The following TBC1D1 variants were observed in gnomAD, a reference collection of about 807,000 sequenced individuals.
TBC1D1 encodes TBC1 (tre-2/USP6, BUB2, cdc16) domain family, member 1.
In TBC1D1, 89 loss-of-function variants were observed where a neutral mutation model predicts 125.6. The observed-to-expected ratio is 0.71, with a 90% confidence interval of 0.60 to 0.85. The LOEUF (loss-of-function observed/expected upper bound fraction) is 0.85, where lower values mean the gene tolerates loss of function less well. Among genes scored for constraint, TBC1D1 ranks in the 40% least tolerant of loss-of-function variants. The pLI is 0.00. For missense variants in TBC1D1, 1,377 were observed against 1,469.2 expected (o/e 0.94, Z 1.03); for synonymous variants, 565 against 564.1 (o/e 1.00, Z -0.02).
At chr4:37,901,586 G>A (rs941022734) in intron 1 of TBC1D1, among the ~76,000 whole-genome samples, 2 of 101,760 alleles carry the variant, frequency 2.0e-5, no homozygotes, top group Non-Finnish European at 4.4e-5. Context: ...TTAATGGAAG[G>A]TGGATTTGTG....
chr4:37,900,133 A>AG (rs893438046), intron 1 of TBC1D1, among the ~76,000 whole-genome samples: 9 of 133,490 alleles, frequency 6.7e-5, no homozygotes, highest in African/African-American at 2.9e-4. Context: ...AAAAAAAAGA[A>AG]AAAAAAAAAA....
Position 37,989,357 on chromosome 4 carries a change from TC to T in TBC1D1, c.418-25148del, listed in dbSNP as rs533142865. Among the ~76,000 whole-genome samples the T allele has an allele frequency of 1.2e-3, 189 of 152,252 alleles. 1 individual carries two copies. Among genetic ancestry groups the T allele is most frequent in the Non-Finnish European group, 2.4e-3 (161 of 68,018 alleles). ...TTGAATCCACCTATGACTTGCAACC[TC>T]CCCTCCACCTTCAAGTTGTCCCACC... is the stretch of plus-strand genomic sequence containing the variant. On this transcript the variant is annotated intron_variant, in intron 2 of 19. Transcript: ENST00000261439.
At chr4:38,108,802 A>C (rs528635775) in intron 15 of TBC1D1, among the ~76,000 whole-genome samples, 1 of 152,388 alleles carries the variant, frequency 6.6e-6, no homozygotes, top group African/African-American at 2.4e-5. Flanking sequence ...AATCCACAAA[A>C]GATGAGAAGT....
rs576578910 is a variant in TBC1D1, at chr4:38,138,474, C to G, written c.*1139C>G. The G allele has an allele frequency of 6.6e-6, 1 of 152,484 alleles. No individual in the cohort carries two copies. Among genetic ancestry groups the G allele is most frequent in the African/African-American group, 2.4e-5 (1 of 41,350 alleles). 9.4% of individuals were successfully genotyped at this position (152,484 alleles called of 1,614,324 possible). On this transcript the variant is annotated 3_prime_UTR_variant, in exon 20 of 20. Coordinates refer to ENST00000261439, the MANE Select transcript of TBC1D1 (RefSeq NM_015173.4). Reference sequence around the variant, plus strand: ...TCTGGGACTTTCAAAAAAAAAAGATCAGGCTGAAACTGCAGTCAGATTTAT... The same window carrying G: ...TCTGGGACTTTCAAAAAAAAAAGATGAGGCTGAAACTGCAGTCAGATTTAT...
At chr4:38,106,326 A>G (rs969877242) in intron 15 of TBC1D1, among the ~76,000 whole-genome samples, 2 of 152,168 alleles carry the variant, frequency 1.3e-5, no homozygotes, top group African/African-American at 4.8e-5. Context: ...AGGGGAGGTG[A>G]CAGGAACTGA....
intron 11 of TBC1D1, 96 bp downstream of exon 13, chr4:38,053,321 A>C (rs1751085182): frequency 9.4e-7 from 1 of 1,058,680 alleles, no homozygotes; most frequent in Non-Finnish European, 1.2e-6. Context: ...TTGCCATTTA[A>C]AAAATCATTT....
chr4:37,976,331 C>T (rs1448014764), intron 2 of TBC1D1, among the ~76,000 whole-genome samples: 5 of 152,170 alleles, frequency 3.3e-5, no homozygotes, highest in Admixed American at 2.6e-4. Context: ...AATTTTAGGG[C>T]GACTTTCAGC....
At chr4:37,998,268 C>T (rs960466368) in intron 2 of TBC1D1, among the ~76,000 whole-genome samples, 1 of 152,180 alleles carries the variant, frequency 6.6e-6, no homozygotes. Flanking sequence ...CTGTCTCCAG[C>T]GACTGTCTTC....
chr4:37,960,806 C>T, intron 2 of TBC1D1: 1 of 1,614,156 alleles, frequency 6.2e-7, no homozygotes, highest in Non-Finnish European at 8.5e-7. Context: ...ATCTTCTAGA[C>T]TTTGAGAGTT....
chr4:38,082,659 T>C (rs1384156816), intron 12 of TBC1D1, among the ~76,000 whole-genome samples: 1 of 152,194 alleles, frequency 6.6e-6, no homozygotes, highest in Non-Finnish European at 1.5e-5. Flanking sequence ...CCAGCTCCTG[T>C]AGACCTCCCA....
At position 38,066,265 on chromosome 4, in the gene TBC1D1, C is replaced by CTT. The variant is rs34977188; in HGVS notation, c.2050+11943_2050+11944dup. Among the ~76,000 whole-genome samples the CTT allele has an allele frequency of 2.9e-3, 394 of 137,612 alleles. 1 individual carries two copies. Among genetic ancestry groups the CTT allele is most frequent in the East Asian group, 0.012 (58 of 4,712 alleles). 90.3% of individuals were successfully genotyped at this position (137,612 alleles called of 152,430 possible). A position where few individuals can be genotyped will look rare whatever the true frequency, so the allele number is the denominator to read the frequency against. ...CATACATTTGGGGCATTATTAGCAA[C>CTT]TTTTTTTTTTTTTTTTTAGCAAAAT... On this transcript the variant is annotated intron_variant, in intron 12 of 19. Transcript: ENST00000261439.
rs1248836058 is a variant in TBC1D1, at chr4:38,015,022, C to T, written c.882+49C>T. Reference sequence around the variant, plus strand: ...ACAGCCCCAGTCTGCCATACGCTTTCAAGAGAAAATCTGCTTTATGGAGCG... The same window carrying T: ...ACAGCCCCAGTCTGCCATACGCTTTTAAGAGAAAATCTGCTTTATGGAGCG... On this transcript the variant is annotated intron_variant, in intron 3 of 19. Transcript: ENST00000261439. The T allele has an allele frequency of 2.1e-6, 3 of 1,460,336 alleles. No homozygotes were observed. In the South Asian group the frequency reaches 4.2e-5, roughly 21 times the overall value. The allele number at this position is 1,460,336 out of a possible 1,614,324, so 90.5% of individuals were successfully genotyped here.
rs114163215 is a variant in TBC1D1 at position 37,987,183 on chromosome 4, G to T, written c.418-27326G>T. 8.1e-3 allele frequency among the ~76,000 whole-genome samples: 1,230 copies of T among 152,250 alleles called. 12 individuals carry two copies. Among genetic ancestry groups the T allele is most frequent in the African/African-American group, 0.028 (1,175 of 41,552 alleles). ...TAGCATGAATAACAAGGGAAGAGAT[G>T]ATTATATTTTTCAGAACTTTATATG... On this transcript the variant is annotated intron_variant, in intron 2 of 19. Coordinates refer to ENST00000261439, the MANE Select transcript of TBC1D1 (RefSeq NM_015173.4).
intron 2 of TBC1D1, chr4:37,961,096 T>G: frequency 1.3e-6 from 2 of 1,539,878 alleles, no homozygotes; most frequent in East Asian, 4.5e-5. Context: ...AAGCATTATT[T>G]GTTTAACAAC....
At chr4:37,901,533 T>C (rs551808845) in intron 1 of TBC1D1, among the ~76,000 whole-genome samples, 2 of 152,288 alleles carry the variant, frequency 1.3e-5, no homozygotes, top group South Asian at 4.1e-4. Flanking sequence ...AATAAAACAG[T>C]GTTTAAGACA....
At chr4:38,082,148 C>G (rs1240651273) in intron 12 of TBC1D1, among the ~76,000 whole-genome samples, 3 of 152,150 alleles carry the variant, frequency 2.0e-5, no homozygotes, top group African/African-American at 7.2e-5. Context: ...TCCAGTGTCC[C>G]TTTCAGCTCC....
Position 38,137,211 on chromosome 4 carries a change from C to T in TBC1D1, c.3383C>T (p.Ala1128Val). Reference sequence around the variant, plus strand: ...AGCAGTGAGAGCAAGCTGAAGCAGGCCATGCTTACCTTAGAACTGGAGCGG... The same window carrying T: ...AGCAGTGAGAGCAAGCTGAAGCAGGTCATGCTTACCTTAGAACTGGAGCGG... The change falls in exon 20 of 20, where the codon GCC (alanine) becomes GTC (valine). Residue 1128 changes from alanine to valine, a missense_variant. By Grantham distance (64) the Ala-to-Val change is moderately conservative. Transcript: ENST00000261439. The T allele has an allele frequency of 6.2e-7, 1 of 1,612,964 alleles. No individual in the cohort carries two copies.
intron 2 of TBC1D1, among the ~76,000 whole-genome samples, chr4:37,921,074 C>T (rs1297392143): frequency 7.2e-6 from 1 of 139,120 alleles, no homozygotes; most frequent in Non-Finnish European, 1.5e-5. Context: ...CGCGCCACTG[C>T]ACTCCAGCCA....
At chr4:37,941,889 C>G (rs1302856829) in intron 2 of TBC1D1, among the ~76,000 whole-genome samples, 1 of 145,236 alleles carries the variant, frequency 6.9e-6, no homozygotes, top group Non-Finnish European at 1.5e-5. Context: ...GTCAGAGAGA[C>G]AGTTTGTTAT....
Sources: gnomAD v4.1 joint callset for allele counts (sites outside exome capture counted in the v4.1 genomes callset) on GRCh38, gnomAD v4.1.1 for gene constraint, MANE v1.5 for transcripts, NCBI Gene and HGNC (gene_info 2026-07-23, HGNC 2026-07-21) for gene names.